RUNX1T1: variants seen among roughly 807,000 people sequenced by gnomAD.
RUNX1T1 encodes protein CBFA2T1.
In RUNX1T1, 4 loss-of-function variants were observed where a neutral mutation model predicts 62.8. That is an observed-to-expected ratio of 0.06 (90% CI 0.03 to 0.15). RUNX1T1 has a LOEUF of 0.15. RUNX1T1 is among the 10% of genes least tolerant of loss of function. The pLI is 1.00. For synonymous variants in RUNX1T1, 291 were observed against 286.0 expected, an observed-to-expected ratio of 1.02 and a Z score of -0.18; for missense variants, 508 against 754.3, an observed-to-expected ratio of 0.67 and a Z score of 3.82.
chr8:92,027,989 T>C (rs1263984051), intron 1 of RUNX1T1, among the ~76,000 whole-genome samples: 1 of 150,540 alleles, frequency 6.6e-6, no homozygotes, highest in Non-Finnish European at 1.5e-5. Flanking sequence ...GATTTTTCTC[T>C]GTTTTGTTAG....
At chr8:91,982,001 T>G (rs1420868060) in intron 8 of RUNX1T1, among the ~76,000 whole-genome samples, 1 of 151,896 alleles carries the variant, frequency 6.6e-6, no homozygotes, top group African/African-American at 2.4e-5. Context: ...TCCTAGCACT[T>G]TGGGAGGCCG....
chr8:91,984,322 G>A (rs1361463905), intron 8 of RUNX1T1, among the ~76,000 whole-genome samples: 3 of 152,126 alleles, frequency 2.0e-5, no homozygotes, highest in Non-Finnish European at 4.4e-5. Flanking sequence ...CTTGTTCTAT[G>A]TGCTGATAAC....
At chr8:92,077,092 T>G (rs1302851728) in intron 1 of RUNX1T1, among the ~76,000 whole-genome samples, 2 of 152,086 alleles carry the variant, frequency 1.3e-5, no homozygotes, top group Non-Finnish European at 2.9e-5. Context: ...GAACATATTC[T>G]GATGTAAATA....
At chr8:91,998,495 G>A (rs1242185079) in intron 5 of RUNX1T1, among the ~76,000 whole-genome samples, 2 of 152,144 alleles carry the variant, frequency 1.3e-5, no homozygotes, top group Non-Finnish European at 1.5e-5. Flanking sequence ...ACCTTTAGAA[G>A]TAAGTAAGAG....
At chr8:91,993,541 T>C (rs1227893009) in intron 5 of RUNX1T1, among the ~76,000 whole-genome samples, 2 of 152,196 alleles carry the variant, frequency 1.3e-5, no homozygotes, top group African/African-American at 4.8e-5. Context: ...TTCAATATTC[T>C]GCTCAGTAAA....
intron 1 of RUNX1T1, among the ~76,000 whole-genome samples, chr8:92,053,156 T>TTA (rs1205982423): frequency 6.6e-6 from 1 of 151,972 alleles, no homozygotes; most frequent in African/African-American, 2.4e-5. Flanking sequence ...AAAATATATA[T>TTA]TATATATAGA....
intron 1 of RUNX1T1, among the ~76,000 whole-genome samples, chr8:92,028,196 CTT>C (rs201238471): frequency 5.9e-5 from 7 of 118,908 alleles, no homozygotes; most frequent in East Asian, 2.4e-4. Flanking sequence ...ATTAGTAATT[CTT>C]TTTTTTTTTT....
rs772459945 is a variant in RUNX1T1, at chr8:91,960,476, A to G, written c.1500T>C (p.Ser500=). Residue 500 remains serine, a synonymous_variant, in exon 11 of 11, where the codon AGT becomes AGC. Transcript: ENST00000396218. ...CACAGTATCGGGCTGTGTTACAGCC[A>G]CTGCAGGTTTCACTCGCTTTACGGC... 11 of 1,614,172 alleles carry G rather than the reference A, an allele frequency of 6.8e-6. No individual in the cohort carries two copies. In the Admixed American group the frequency reaches 1.8e-4, roughly 27 times the overall value.
In RUNX1T1 at chr8:91,972,868, A is replaced by T. The variant is rs77497361; in HGVS notation, c.1268-2020T>A. ...TAAAAAGAAATATACTGAAGAAAAC[A>T]TTGTTACAATTTTAAAACCATCTTT... On this transcript the variant is annotated intron_variant, in intron 9 of 10. Transcript: ENST00000396218. 7.6e-3 allele frequency among the ~76,000 whole-genome samples: 1,151 copies of T among 152,146 alleles called. 13 individuals are homozygous for T. The highest frequency in any genetic ancestry group is 0.048 in the Middle Eastern group (14 of 294).
At chr8:92,039,144 G>GTTTT (rs71563486) in intron 1 of RUNX1T1, among the ~76,000 whole-genome samples, 3 of 137,120 alleles carry the variant, frequency 2.2e-5, no homozygotes, top group Admixed American at 7.3e-5. Context: ...TTTTGTTGTT[G>GTTTT]TTTTTTTTTT....
At chr8:91,966,677 A>T (rs1262976699) in intron 10 of RUNX1T1, among the ~76,000 whole-genome samples, 3 of 152,164 alleles carry the variant, frequency 2.0e-5, no homozygotes, top group African/African-American at 7.2e-5. Flanking sequence ...ATTTAAGATG[A>T]TCAGATTCAG....
intron 2 of RUNX1T1, among the ~76,000 whole-genome samples, chr8:92,074,747 G>A (rs1185640582): frequency 1.3e-5 from 2 of 152,206 alleles, no homozygotes. Flanking sequence ...AAGTAGTCAT[G>A]GGAGATGTCT....
chr8:91,955,471 T>TA (rs1303383594), downstream of RUNX1T1: 24 of 223,454 alleles, frequency 1.1e-4, no homozygotes, highest in Middle Eastern at 2.8e-3. Flanking sequence ...TTCCACTATT[T>TA]AAAAAAAAAT....
chr8:92,056,588 A>G (rs1831074762), intron 1 of RUNX1T1, among the ~76,000 whole-genome samples: 1 of 151,992 alleles, frequency 6.6e-6, no homozygotes, highest in African/African-American at 2.4e-5. Flanking sequence ...AAAGCATCCC[A>G]CAATTTTAAA....
chr8:92,011,643 G>A (rs1563750966), intron 3 of RUNX1T1, among the ~76,000 whole-genome samples: 1 of 152,156 alleles, frequency 6.6e-6, no homozygotes, highest in Admixed American at 6.5e-5. Context: ...TGCCAATAAA[G>A]CCAAAGAAAA....
At chr8:92,073,557 C>T (rs1251954536) in intron 2 of RUNX1T1, among the ~76,000 whole-genome samples, 2 of 152,104 alleles carry the variant, frequency 1.3e-5, no homozygotes, top group African/African-American at 4.8e-5. Flanking sequence ...ACTCTAAGAG[C>T]CCAATGGATT....
chr8:92,067,138 G>C (rs1005864348), upstream of RUNX1T1, among the ~76,000 whole-genome samples: 1 of 152,186 alleles, frequency 6.6e-6, no homozygotes, highest in Non-Finnish European at 1.5e-5. Context: ...CTGTCCAAGA[G>C]AGCCTAAGTG....
exon 11 of RUNX1T1, chr8:91,960,180 G>T: frequency 2.0e-6 from 3 of 1,523,984 alleles, no homozygotes; most frequent in Non-Finnish European, 8.9e-7. Context: ...GAGCATCTGA[G>T]GATGAGGAAT....
intron 1 of RUNX1T1, among the ~76,000 whole-genome samples, chr8:92,089,925 TAAAAAAAAAA>T (rs36052605): frequency 1.2e-5 from 1 of 80,162 alleles, no homozygotes; most frequent in Non-Finnish European, 2.3e-5. Context: ...TCCCTGAATT[TAAAAAAAAAA>T]AAAAAAAAAA....
Sources: allele counts gnomAD v4.1 joint callset (sites outside exome capture counted in the v4.1 genomes callset), GRCh38; gene constraint gnomAD v4.1.1; transcripts MANE v1.5; gene names NCBI Gene and HGNC (gene_info 2026-07-23, HGNC 2026-07-21).